Variants in PEAK1 observed in about 807,000 individuals in gnomAD.
PEAK1 encodes the protein inactive tyrosine-protein kinase PEAK1.
PEAK1 carries 54 observed loss-of-function variants against 124.7 expected under a neutral mutation model. The observed-to-expected ratio is 0.43, with a 90% CI of 0.35 to 0.54. The LOEUF (loss-of-function observed/expected upper bound fraction) is 0.54, where lower values mean the gene tolerates loss of function less well. Ranked by LOEUF, PEAK1 falls within the 20% of genes least tolerant of loss-of-function variation. PEAK1 has a pLI of 0.01. For synonymous variants in PEAK1, 719 were observed against 760.0 expected (o/e 0.95, Z 0.89); for missense variants, 2,046 against 2,134.5 (o/e 0.96, Z 0.82).
chr15:77,286,320 G>T, intron 3 of PEAK1, 103 bp downstream of exon 3: 1 of 574,428 alleles, frequency 1.7e-6, no homozygotes, highest in Non-Finnish European at 2.6e-6. Flanking sequence ...ACTATGGCAA[G>T]GTTTAAAATT....
In PEAK1 at chr15:77,114,451, T is replaced by G. The variant is rs757467319; in HGVS notation, c.4946A>C (p.Asn1649Thr). 4 of 1,613,724 alleles carry G rather than the reference T, an allele frequency of 2.5e-6. No individual in the cohort carries two copies. Among genetic ancestry groups the G allele is most frequent in the Non-Finnish European group, 3.4e-6 (4 of 1,179,910 alleles). The change falls in exon 10 of 10, where the codon AAC (asparagine) becomes ACC (threonine). Residue 1649 changes from asparagine to threonine, a missense_variant. By Grantham distance (65) the Asn-to-Thr change is moderately conservative. Coordinates refer to ENST00000682557, the MANE Select transcript of PEAK1 (RefSeq NM_001385026.1). The part of the protein sequence containing the change: ...QQLASCLLNP[N>T]PSERILISDA... ...TGAAATGAGGATCCGCTCAGAAGGG[T>G]TGGGATTCAGGAGGCAGCTGGCCAG...
intron 7 of PEAK1, among the ~76,000 whole-genome samples, chr15:77,171,648 A>G (rs2056516905): frequency 6.6e-6 from 1 of 152,152 alleles, no homozygotes; most frequent in African/African-American, 2.4e-5. Context: ...CAGTAACATT[A>G]TTATATAGTT....
At chr15:77,301,711 T>C (rs1352052161) in intron 2 of PEAK1, among the ~76,000 whole-genome samples, 1 of 152,184 alleles carries the variant, frequency 6.6e-6, no homozygotes, top group Admixed American at 6.5e-5. Context: ...GTTTCTCTAT[T>C]GTAATGTTAC....
chr15:77,177,975 T>C (rs1243163400), intron 7 of PEAK1: 1 of 152,206 alleles, frequency 6.6e-6, no homozygotes. Flanking sequence ...AAGCACTAGC[T>C]TTGTGACTCT....
At chr15:77,217,799 T>C (rs914028940) in intron 6 of PEAK1, among the ~76,000 whole-genome samples, 1 of 152,212 alleles carries the variant, frequency 6.6e-6, no homozygotes, top group African/African-American at 2.4e-5. Flanking sequence ...ATAAAGTTTA[T>C]ATATTTTTTC....
Position 77,133,646 on chromosome 15 carries a change from T to C in PEAK1, c.3436A>G (p.Asn1146Asp), listed in dbSNP as rs375624347. Residue 1146 changes from asparagine (N) to aspartate (D), a missense_variant, in exon 9 of 10, where the codon AAT (asparagine) becomes GAT (aspartate). By Grantham distance (23) the Asn-to-Asp change is conservative (BLOSUM62 1). Coordinates refer to ENST00000682557, the MANE Select transcript of PEAK1 (RefSeq NM_001385026.1). The surrounding 1 kb of genome is among the most constrained non-coding windows in gnomAD (Gnocchi z 4.2). ...FGGKTDQEAPNASQPTPPPLP... is the reference protein window; with the variant it reads ...FGGKTDQEAPDASQPTPPPLP... ...GGGGGTGGTGTAGGTTGGGAAGCAT[T>C]GGGTGCTTCTTGGTCTGTTTTCCCT... 6 of 1,614,018 alleles carry C rather than the reference T, an allele frequency of 3.7e-6. No homozygotes were observed. Among genetic ancestry groups the C allele is most frequent in the Non-Finnish European group, 5.1e-6 (6 of 1,180,026 alleles).
At chr15:77,419,265 A>C in intron 1 of PEAK1, 2 of 985,364 alleles carry the variant, frequency 2.0e-6, no homozygotes, top group Non-Finnish European at 2.4e-6. Context: ...GGAGGAAAAA[A>C]CGAAATCAAG....
At chr15:77,166,956 C>T (rs931512089) in intron 7 of PEAK1, among the ~76,000 whole-genome samples, 6 of 152,156 alleles carry the variant, frequency 3.9e-5, no homozygotes, top group Non-Finnish European at 8.8e-5. Flanking sequence ...GTTAAAATTG[C>T]AGGTTCTCAG....
chr15:77,225,669 TATATATATA>T (rs2059607567), intron 6 of PEAK1, among the ~76,000 whole-genome samples: 1 of 110,778 alleles, frequency 9.0e-6, no homozygotes, highest in African/African-American at 4.7e-5. Context: ...GTATAATTTA[TATATATATA>T]TATATATATA....
At chr15:77,149,826 T>C (rs533428236) in intron 8 of PEAK1, among the ~76,000 whole-genome samples, 1 of 152,246 alleles carries the variant, frequency 6.6e-6, no homozygotes, top group Non-Finnish European at 1.5e-5. Flanking sequence ...CTCAGTTCAC[T>C]GTGTCCTTGA....
In PEAK1 at chr15:77,180,342, T is replaced by C; in HGVS notation, c.1585A>G (p.Ile529Val). 6.2e-7 allele frequency: 1 copy of C among 1,614,172 alleles called. No homozygotes were observed. Among genetic ancestry groups the C allele is most frequent in the Non-Finnish European group, 8.5e-7 (1 of 1,180,020 alleles). Residue 529 changes from isoleucine to valine, a missense_variant, in exon 7 of 10, where the codon ATT becomes GTT. Coordinates refer to ENST00000682557, the MANE Select transcript of PEAK1 (RefSeq NM_001385026.1). ...ISAHFQKSSAIRYQEVWTSST... is the reference protein window; with the variant it reads ...ISAHFQKSSAVRYQEVWTSST... ...GAAGTCCATACTTCTTGGTATCGAA[T>C]TGCACTGGATTTTTGGAAATGGGCA...
At chr15:77,169,819 AC>A (rs2056380492) in intron 7 of PEAK1, among the ~76,000 whole-genome samples, 1 of 152,034 alleles carries the variant, frequency 6.6e-6, no homozygotes, top group African/African-American at 2.4e-5. Context: ...ATCAAAGATG[AC>A]CCTTAATTTT....
chr15:77,101,568 C>T (rs1045603617), exon 7 of PEAK1: 1 of 152,176 alleles, frequency 6.6e-6, no homozygotes, highest in South Asian at 2.1e-4. Flanking sequence ...AGGTAGGAAT[C>T]CCCATCAAAA....
intron 5 of PEAK1, among the ~76,000 whole-genome samples, chr15:77,266,111 G>A (rs1484937858): frequency 1.3e-5 from 2 of 151,886 alleles, no homozygotes; most frequent in East Asian, 3.9e-4. Context: ...GTGGGGTGGG[G>A]AGAGGGGGGA....
rs1208022726 is a variant in PEAK1, at chr15:77,297,525, G to C, written c.-602-11021C>G. Among the ~76,000 whole-genome samples the C allele has an allele frequency of 3.3e-5, 5 of 151,634 alleles. 1 individual carries two copies. The highest frequency in any genetic ancestry group is 7.3e-5 in the African/African-American group (3 of 40,988). The stretch of plus-strand genomic sequence containing the variant: ...ATTTCTCATGGGGCAGTTTATCTTA[G>C]TGCAATAAGATGTTTCTAAAACTCT... On this transcript the variant is annotated intron_variant, in intron 2 of 9. Transcript: ENST00000682557.
Position 77,112,851 on chromosome 15 carries a change from A to G in PEAK1, c.*1305T>C, listed in dbSNP as rs1389705109. ...AAAAATACATACAAAAATTGCACAC[A>G]TATCCATAGAAGGGGAGCACAGGCT... On this transcript the variant is annotated 3_prime_UTR_variant, in exon 10 of 10. Coordinates refer to ENST00000682557, the MANE Select transcript of PEAK1 (RefSeq NM_001385026.1). 6.6e-6 allele frequency: 1 copy of G among 152,226 alleles called. No individual in the cohort carries two copies. The highest frequency in any genetic ancestry group is 1.5e-5 in the Non-Finnish European group (1 of 68,054). 9.4% of individuals were successfully genotyped at this position (152,226 alleles called of 1,614,324 possible). A position where few individuals can be genotyped will look rare whatever the true frequency, so the allele number is the denominator to read the frequency against.
intron 7 of PEAK1, among the ~76,000 whole-genome samples, chr15:77,162,611 A>AT (rs2055759179): frequency 6.1e-5 from 5 of 82,274 alleles, no homozygotes; most frequent in East Asian, 2.3e-4. Flanking sequence ...TTATCTCCTA[A>AT]CAAATGTTTT....
intron 8 of PEAK1, among the ~76,000 whole-genome samples, chr15:77,151,542 T>C (rs1185032007): frequency 1.3e-5 from 2 of 152,336 alleles, no homozygotes; most frequent in East Asian, 3.9e-4. Context: ...ATTTTGGCTT[T>C]TGCTGCCATT....
chr15:77,390,254 A>G (rs2070340253), intron 1 of PEAK1, among the ~76,000 whole-genome samples: 1 of 152,228 alleles, frequency 6.6e-6, no homozygotes, highest in South Asian at 2.1e-4. Context: ...TATTCACCTA[A>G]CTGTATAAGT....
Sources: allele counts gnomAD v4.1 joint callset (sites outside exome capture counted in the v4.1 genomes callset), GRCh38; gene constraint gnomAD v4.1.1; non-coding constraint Gnocchi (gnomAD v3.1); transcripts MANE v1.5; gene names NCBI Gene and HGNC (gene_info 2026-07-23, HGNC 2026-07-21).